FMN2: variants seen among roughly 807,000 people sequenced by gnomAD.
The protein encoded by FMN2 is formin 2.
In FMN2, 51 loss-of-function variants were observed where a neutral mutation model predicts 142.3. The observed-to-expected ratio is 0.36, with a 90% CI of 0.29 to 0.45. FMN2 has a LOEUF of 0.45. Ranked by LOEUF, FMN2 falls within the 20% of genes least tolerant of loss-of-function variation. The pLI, the probability that FMN2 is intolerant of heterozygous loss-of-function variation, is 1.00. For synonymous variants in FMN2, 882 were observed against 869.8 expected (o/e 1.01, Z -0.25); for missense variants, 1,936 against 2,122.8 (o/e 0.91, Z 1.73).
intron 15 of FMN2, among the ~76,000 whole-genome samples, chr1:240,410,355 G>GA (rs1224799711): frequency 6.6e-6 from 1 of 152,108 alleles, no homozygotes; most frequent in Non-Finnish European, 1.5e-5. Flanking sequence ...CTAACGATCT[G>GA]AAAAATTGAA....
At chr1:240,142,634 C>A in intron 2 of FMN2, 1 of 1,572,666 alleles carries the variant, frequency 6.4e-7, no homozygotes, top group Non-Finnish European at 8.7e-7. Context: ...CCCACTGATA[C>A]ATCAGCTGCA....
chr1:240,131,740 C>T (rs1466271823), intron 2 of FMN2, among the ~76,000 whole-genome samples: 1 of 151,956 alleles, frequency 6.6e-6, no homozygotes, highest in Non-Finnish European at 1.5e-5. Flanking sequence ...GTATACTGGG[C>T]AGCACATAGA....
intron 4 of FMN2, among the ~76,000 whole-genome samples, chr1:240,193,053 C>T (rs1306040028): frequency 6.6e-6 from 1 of 151,942 alleles, no homozygotes; most frequent in Admixed American, 6.6e-5. Flanking sequence ...TTTGTTTTTC[C>T]TTGGGGTGGT....
chr1:240,350,350 A>T (rs1399277642), intron 13 of FMN2, among the ~76,000 whole-genome samples: 1 of 152,166 alleles, frequency 6.6e-6, no homozygotes, highest in African/African-American at 2.4e-5. Flanking sequence ...TATCCCTATT[A>T]AGGAAAGCCT....
chr1:240,443,269 A>G (rs1270672229), intron 16 of FMN2, among the ~76,000 whole-genome samples: 1 of 152,258 alleles, frequency 6.6e-6, no homozygotes, highest in Admixed American at 6.5e-5. Context: ...CAATAGACAC[A>G]GATCAAGTGA....
At chr1:240,312,266 A>G (rs1670625579) in intron 8 of FMN2, among the ~76,000 whole-genome samples, 1 of 152,110 alleles carries the variant, frequency 6.6e-6, no homozygotes, top group Admixed American at 6.6e-5. Flanking sequence ...GCACTGACAA[A>G]AGGTGTTCCT....
At chr1:240,470,532 A>G (rs1206083430) in intron 16 of FMN2, among the ~76,000 whole-genome samples, 3 of 152,194 alleles carry the variant, frequency 2.0e-5, no homozygotes, top group Non-Finnish European at 4.4e-5. Context: ...CATCAATCTT[A>G]TAGCTGCAAT....
intron 8 of FMN2, among the ~76,000 whole-genome samples, chr1:240,322,497 C>T (rs1321027889): frequency 2.0e-5 from 3 of 152,064 alleles, no homozygotes; most frequent in Admixed American, 6.6e-5. Flanking sequence ...GATTTAGAGA[C>T]GAGAAACAGA....
At chr1:240,423,867 T>C (rs1253061003) in intron 15 of FMN2, among the ~76,000 whole-genome samples, 1 of 152,158 alleles carries the variant, frequency 6.6e-6, no homozygotes, top group African/African-American at 2.4e-5. Context: ...AGGGAGGACA[T>C]TGGTCCCAAG....
chr1:240,306,192 C>G (rs1198970540), intron 8 of FMN2, among the ~76,000 whole-genome samples: 2 of 152,110 alleles, frequency 1.3e-5, no homozygotes, highest in African/African-American at 4.8e-5. Flanking sequence ...TCATGGTCCA[C>G]CCACCTCGGC....
intron 13 of FMN2, among the ~76,000 whole-genome samples, chr1:240,350,424 G>A (rs1223474716): frequency 1.3e-5 from 2 of 152,166 alleles, no homozygotes; most frequent in South Asian, 2.1e-4. Context: ...TACTTCCTCT[G>A]CATTTCAGAC....
chr1:240,244,449 G>C (rs1158635928), intron 6 of FMN2, among the ~76,000 whole-genome samples: 1 of 152,168 alleles, frequency 6.6e-6, no homozygotes, highest in African/African-American at 2.4e-5. Flanking sequence ...CATATAAAAT[G>C]CATACTATGT....
intron 1 of FMN2, among the ~76,000 whole-genome samples, chr1:240,118,731 G>A (rs1221780038): frequency 1.3e-5 from 2 of 152,146 alleles, no homozygotes; most frequent in Non-Finnish European, 2.9e-5. Flanking sequence ...GGTCTCGGGC[G>A]AGGTATCCTC....
rs74975929 is a variant in FMN2, at chr1:240,369,614, A to G, written c.4858+13706A>G. 6.5e-3 allele frequency among the ~76,000 whole-genome samples: 985 copies of G among 152,224 alleles called. 10 individuals are homozygous for G. Among genetic ancestry groups the G allele is most frequent in the African/African-American group, 0.023 (945 of 41,534 alleles). On this transcript the variant is annotated intron_variant, in intron 14 of 17. Transcript: ENST00000319653. ...TTTATATCAAGCCTGTTTTTTAGCA[A>G]TAGATTTGCTAATTATAAAATTCTA...
chr1:240,349,351 A>ACG (rs1672016723), intron 13 of FMN2, among the ~76,000 whole-genome samples: 2 of 152,336 alleles, frequency 1.3e-5, no homozygotes, highest in East Asian at 3.9e-4. Flanking sequence ...TGTATCTGTT[A>ACG]TGTGACTTCC....
rs142397272 is a variant in FMN2, at chr1:240,206,986, C to T, written c.2174C>T (p.Ala725Val). The T allele has an allele frequency of 1.2e-6, 2 of 1,614,162 alleles. No homozygotes were observed. Among genetic ancestry groups the T allele is most frequent in the Non-Finnish European group, 1.7e-6 (2 of 1,180,024 alleles). ...VTASGDVCLEALRLEEKEVRH... is the reference protein window; with the variant it reads ...VTASGDVCLEVLRLEEKEVRH... ...GCCTCAGGCGATGTCTGTCTCGAAG[C>T]TCTCAGGTTAGAAGAAAAGGAAGTA... Residue 725 changes from alanine (A) to valine (V), a missense_variant, in exon 5 of 18, where the codon GCT (alanine) becomes GTT (valine). Transcript: ENST00000319653.
intron 15 of FMN2, among the ~76,000 whole-genome samples, chr1:240,423,767 C>T (rs1359886342): frequency 6.6e-6 from 1 of 152,214 alleles, no homozygotes; most frequent in African/African-American, 2.4e-5. Context: ...TAAGAAAAGA[C>T]CTCACGAGTC....
chr1:240,413,146 A>AAAAAAAAAAAAAC (rs1674469300), intron 15 of FMN2, among the ~76,000 whole-genome samples: 1 of 148,492 alleles, frequency 6.7e-6, no homozygotes, highest in Non-Finnish European at 1.5e-5. Context: ...AAAAAAAAAA[A>AAAAAAAAAAAAAC]AAAGCAGCAA....
At chr1:240,395,261 C>T (rs559771492) in intron 15 of FMN2, among the ~76,000 whole-genome samples, 2 of 152,184 alleles carry the variant, frequency 1.3e-5, no homozygotes, top group Non-Finnish European at 2.9e-5. Flanking sequence ...AATATCACAT[C>T]TCATGGACCA....
Sources: allele counts gnomAD v4.1 joint callset (sites outside exome capture counted in the v4.1 genomes callset), GRCh38; gene constraint gnomAD v4.1.1; transcripts MANE v1.5; gene names NCBI Gene and HGNC (gene_info 2026-07-23, HGNC 2026-07-21).